Variants in CCDC117 observed in about 807,000 individuals in gnomAD.
CCDC117 encodes coiled-coil domain-containing protein 117.
CCDC117 carries 1 observed loss-of-function variant against 23.5 expected under a neutral mutation model. The ratio of observed to expected loss-of-function variants is 0.04; its 90% CI spans 0.02 to 0.20. CCDC117 has a LOEUF of 0.20. Ranked by LOEUF, CCDC117 falls within the 10% of genes least tolerant of loss-of-function variation. The pLI, the probability that CCDC117 is intolerant of heterozygous loss-of-function variation, is 1.00. For missense variants in CCDC117, 383 were observed against 348.2 expected (o/e 1.10, Z -0.80); for synonymous variants, 132 against 124.8 (o/e 1.06, Z -0.39).
At chr22:28,773,153 C>T in intron 1 of CCDC117, 119 bp downstream of exon 1, 1 of 291,972 alleles carries the variant, frequency 3.4e-6, no homozygotes, top group Non-Finnish European at 5.2e-6. Context: ...TGACTCCCTC[C>T]CCACGGCCCT....
At position 28,780,154 on chromosome 22, in the gene CCDC117, TAAAA is replaced by T. The variant is rs906117821; in HGVS notation, c.240-788_240-785del. The stretch of plus-strand genomic sequence containing the variant: ...GTTTTTCTAGGTCCTAGTTTCCAAA[TAAAA>T]AAAAATGGATTTGATGAATTCTAAA... On this transcript the variant is annotated intron_variant, in intron 2 of 4. Coordinates refer to ENST00000249064, the MANE Select transcript of CCDC117 (RefSeq NM_173510.4). Among the ~76,000 whole-genome samples the T allele has an allele frequency of 2.6e-5, 4 of 151,236 alleles. No homozygotes were observed. In the East Asian group the frequency reaches 7.7e-4, roughly 29 times the overall value.
At chr22:28,775,790 G>A (rs970549629) in intron 2 of CCDC117, among the ~76,000 whole-genome samples, 1 of 151,716 alleles carries the variant, frequency 6.6e-6, no homozygotes, top group Non-Finnish European at 1.5e-5. Context: ...CCAGCTACTC[G>A]GGAGGCTGAG....
chr22:28,779,566 A>G (rs2031263245), intron 2 of CCDC117, among the ~76,000 whole-genome samples: 1 of 152,186 alleles, frequency 6.6e-6, no homozygotes, highest in African/African-American at 2.4e-5. Context: ...ATAGCTGAAC[A>G]TTCTTAATGC....
intron 2 of CCDC117, among the ~76,000 whole-genome samples, chr22:28,775,220 C>G (rs1315856635): frequency 1.3e-5 from 2 of 152,078 alleles, no homozygotes; most frequent in African/African-American, 4.8e-5. Flanking sequence ...AAGATTGCGC[C>G]ATTGCACTCC....
At chr22:28,778,453 CAA>C (rs1481726314) in intron 2 of CCDC117, among the ~76,000 whole-genome samples, 3 of 152,004 alleles carry the variant, frequency 2.0e-5, no homozygotes, top group African/African-American at 4.8e-5. Context: ...CTTAAAAATA[CAA>C]AAGTCAGCCG....
chr22:28,785,332 TC>T (rs1171220480), intron 4 of CCDC117, among the ~76,000 whole-genome samples: 1 of 151,962 alleles, frequency 6.6e-6, no homozygotes, highest in Non-Finnish European at 1.5e-5. Flanking sequence ...GGGACTACAG[TC>T]ACCTGCTACC....
chr22:28,787,542 G>T lies in CCDC117; in HGVS notation c.*1216G>T, dbSNP rs1218849153. 1 of 152,426 alleles carries T rather than the reference G, an allele frequency of 6.6e-6. No homozygotes were observed. The highest frequency in any genetic ancestry group is 6.5e-5 in the Admixed American group (1 of 15,280). The allele number at this position is 152,426 out of a possible 1,614,324, so 9.4% of individuals were successfully genotyped here. A position where few individuals can be genotyped will look rare whatever the true frequency, so the allele number is the denominator to read the frequency against. On this transcript the variant is annotated 3_prime_UTR_variant, in exon 5 of 5. Coordinates refer to ENST00000249064, the MANE Select transcript of CCDC117 (RefSeq NM_173510.4). ...TACTGAAATAGCCAATTTGACTGGT[G>T]CTTAGACTATTGTGCAGTAAACCTA...
At chr22:28,780,899 T>G in intron 2 of CCDC117, 49 bp from the exon 3 acceptor site, 2 of 1,351,358 alleles carry the variant, frequency 1.5e-6, no homozygotes, top group Non-Finnish European at 2.1e-6. Flanking sequence ...GATAAACATT[T>G]CATTTATATT....
chr22:28,773,028 G>A lies in CCDC117; in HGVS notation c.179G>A (p.Arg60His). The A allele has an allele frequency of 3.4e-6, 4 of 1,176,382 alleles. No individual in the cohort carries two copies. The highest frequency in any genetic ancestry group is 4.2e-6 in the Non-Finnish European group (4 of 952,284). The allele number at this position is 1,176,382 out of a possible 1,614,324, so 72.9% of individuals were successfully genotyped here. The change falls in exon 1 of 5, where the codon CGC (arginine) becomes CAC (histidine). Residue 60 changes from arginine to histidine, a missense_variant. Arg to His is a conservative substitution (Grantham distance 29, BLOSUM62 0). Transcript: ENST00000249064. ...VPSSPAGSAA[R>H]GRVSVHCKKK... The stretch of plus-strand genomic sequence containing the variant: ...AGCAGTCCCGCTGGGAGTGCGGCGC[G>A]CGGACGGTGAGGAGCCCGTCGGGCG...
rs2031030554 is a variant in CCDC117 at position 28,772,951 on chromosome 22, G to T, written c.102G>T (p.Pro34=). 1 of 1,214,682 alleles carries T rather than the reference G, an allele frequency of 8.2e-7. No individual in the cohort carries two copies. The highest frequency in any genetic ancestry group is 1.0e-6 in the Non-Finnish European group (1 of 976,822). The allele number at this position is 1,214,682 out of a possible 1,614,324, so 75.2% of individuals were successfully genotyped here. A position where few individuals can be genotyped will look rare whatever the true frequency, so the allele number is the denominator to read the frequency against. ...CCTTCCCCGGCCGGGCCTTCCCGCC[G>T]GGGGCTGACGGCGCCGAGTTGGCCC... ...QPAFPGRAFP[P]GADGAELAPR... is the part of the protein sequence containing the mutation. Residue 34 remains proline, a synonymous_variant, in exon 1 of 5, where the codon CCG becomes CCT. Coordinates refer to ENST00000249064, the MANE Select transcript of CCDC117 (RefSeq NM_173510.4).
At chr22:28,776,272 T>C (rs2031158316) in intron 2 of CCDC117, among the ~76,000 whole-genome samples, 1 of 152,018 alleles carries the variant, frequency 6.6e-6, no homozygotes, top group South Asian at 2.1e-4. Context: ...GCTGGTGTGG[T>C]GGTGCGCCCC....
Position 28,783,776 on chromosome 22 carries a change from T to C in CCDC117, c.602+131T>C, listed in dbSNP as rs1208775411. ...CCCAGGCAATTGGAGATTGGCTTTTTCCTAGTTCATTAGGGGTGAGCAAAG... is the reference window on the plus strand; with the variant it reads ...CCCAGGCAATTGGAGATTGGCTTTTCCCTAGTTCATTAGGGGTGAGCAAAG... On this transcript the variant is annotated intron_variant, in intron 4 of 4. Transcript: ENST00000249064. 5 of 846,874 alleles carry C rather than the reference T, an allele frequency of 5.9e-6. No individual in the cohort carries two copies. In the East Asian group the frequency reaches 1.3e-4, roughly 21 times the overall value. 52.5% of individuals were successfully genotyped at this position (846,874 alleles called of 1,614,324 possible).
In CCDC117 at chr22:28,786,382, T is replaced by C. The variant is rs2031510853; in HGVS notation, c.*56T>C. Reference sequence around the variant, plus strand: ...GTTAGAAGAATCCTGTGTTCAGTTATGAGACTCTTTGCATAGTATAGGGAC... The same window carrying C: ...GTTAGAAGAATCCTGTGTTCAGTTACGAGACTCTTTGCATAGTATAGGGAC... On this transcript the variant is annotated 3_prime_UTR_variant, in exon 5 of 5. Transcript: ENST00000249064. The C allele has an allele frequency of 3.2e-6, 4 of 1,250,618 alleles. No individual in the cohort carries two copies. The East Asian group carries it at 6.9e-5, about 22-fold the overall frequency. 77.5% of individuals were successfully genotyped at this position (1,250,618 alleles called of 1,614,324 possible).
At chr22:28,781,334 T>C (rs2031315825) in intron 3 of CCDC117, among the ~76,000 whole-genome samples, 162 bp downstream of exon 3, 1 of 39,820 alleles carries the variant, frequency 2.5e-5, no homozygotes, top group Non-Finnish European at 3.9e-5. Flanking sequence ...TTTTTTGTTT[T>C]GTTTTTTTTT....
At chr22:28,773,165 C>T (rs2031049755) in intron 1 of CCDC117, 131 bp downstream of exon 1, 2 of 254,036 alleles carry the variant, frequency 7.9e-6, no homozygotes, top group Non-Finnish European at 1.3e-5. Flanking sequence ...CACGGCCCTC[C>T]GCGGGAGCTT....
At chr22:28,775,694 C>G (rs1295999204) in intron 2 of CCDC117, among the ~76,000 whole-genome samples, 1 of 152,038 alleles carries the variant, frequency 6.6e-6, no homozygotes, top group African/African-American at 2.4e-5. Context: ...GTCAGGAGTT[C>G]AAGACCAGCC....
At chr22:28,773,660 G>T in intron 1 of CCDC117, 65 bp from the exon 2 acceptor site, 1 of 1,309,456 alleles carries the variant, frequency 7.6e-7, no homozygotes, top group Non-Finnish European at 1.1e-6. Flanking sequence ...GAGCAAGAAA[G>T]AGGATACTGA....
chr22:28,781,179 G>A lies in CCDC117; in HGVS notation c.464+7G>A. On this transcript the variant is annotated splice_region_variant and intron_variant, in intron 3 of 4. Coordinates refer to ENST00000249064, the MANE Select transcript of CCDC117 (RefSeq NM_173510.4). ...TTCAGGAGATTGAGGACAGGTAAAT[G>A]GGCAGTGTATATAGCTGGTTTTTTG... 6.3e-7 allele frequency: 1 copy of A among 1,578,948 alleles called. No individual in the cohort carries two copies. Among genetic ancestry groups the A allele is most frequent in the South Asian group, 1.1e-5 (1 of 89,944 alleles).
At chr22:28,784,702 G>A (rs1378429440) in intron 4 of CCDC117, among the ~76,000 whole-genome samples, 3 of 152,182 alleles carry the variant, frequency 2.0e-5, no homozygotes, top group African/African-American at 4.8e-5. Flanking sequence ...TTGCCCTCCA[G>A]CCTAAAATAT....
Sources: gnomAD v4.1 joint callset for allele counts (sites outside exome capture counted in the v4.1 genomes callset) on GRCh38, gnomAD v4.1.1 for gene constraint, MANE v1.5 for transcripts, NCBI Gene and HGNC (gene_info 2026-07-23, HGNC 2026-07-21) for gene names.